Variants in TRIO observed in about 807,000 individuals in gnomAD.
TRIO encodes triple functional domain protein.
TRIO carries 58 observed loss-of-function variants against 351.9 expected under a neutral mutation model. The ratio of observed to expected loss-of-function variants is 0.16; its 90% CI spans 0.13 to 0.21. TRIO has a LOEUF of 0.21. Among genes scored for constraint, TRIO ranks in the 10% least tolerant of loss-of-function variants. The probability of loss-of-function intolerance (pLI) is 1.00; values close to 1 mark genes in which losing one functional copy is unlikely to be tolerated. For missense variants in TRIO, 3,201 were observed against 4,027.8 expected, an observed-to-expected ratio of 0.79 and a Z score of 5.56; for synonymous variants, 1,758 against 1,595.7, an observed-to-expected ratio of 1.10 and a Z score of -2.42.
At chr5:14,309,628 C>T (rs1738732704) in intron 8 of TRIO, among the ~76,000 whole-genome samples, 1 of 152,182 alleles carries the variant, frequency 6.6e-6, no homozygotes, top group African/African-American at 2.4e-5. Flanking sequence ...TGACTGATGC[C>T]AATGGTACAC....
At chr5:14,187,578 CTAAG>C (rs755676743) in intron 1 of TRIO, among the ~76,000 whole-genome samples, 26 of 152,286 alleles carry the variant, frequency 1.7e-4, no homozygotes, top group African/African-American at 5.8e-4. Flanking sequence ...CCTATTTAAT[CTAAG>C]TAAGTTCTAT....
intron 15 of TRIO, among the ~76,000 whole-genome samples, chr5:14,366,324 G>C (rs1291220831): frequency 6.6e-6 from 1 of 152,164 alleles, no homozygotes; most frequent in African/African-American, 2.4e-5. Flanking sequence ...CTCTGAGTGT[G>C]TGTGCAGTTG....
chr5:14,492,957 G>C, intron 49 of TRIO, 143 bp downstream of exon 49: 1 of 1,300,346 alleles, frequency 7.7e-7, no homozygotes, highest in Non-Finnish European at 1.0e-6. Context: ...CTCTGAGCAC[G>C]TGGGAAGATG....
chr5:14,345,256 C>A (rs1742315186), intron 11 of TRIO, among the ~76,000 whole-genome samples: 1 of 152,134 alleles, frequency 6.6e-6, no homozygotes, highest in African/African-American at 2.4e-5. Flanking sequence ...TGCTGATATA[C>A]CTGACACATC....
At chr5:14,334,453 T>A (rs1016196580) in intron 10 of TRIO, among the ~76,000 whole-genome samples, 1 of 152,210 alleles carries the variant, frequency 6.6e-6, no homozygotes, top group South Asian at 2.1e-4. Context: ...TGGGACATTT[T>A]AAAAAATATC....
intron 2 of TRIO, among the ~76,000 whole-genome samples, chr5:14,278,070 G>A (rs1437901842): frequency 6.6e-6 from 1 of 152,196 alleles, no homozygotes; most frequent in African/African-American, 2.4e-5. Flanking sequence ...AGATTCAGGT[G>A]TCTATAAGCT....
intron 1 of TRIO, among the ~76,000 whole-genome samples, chr5:14,193,976 G>A (rs572353268): frequency 2.0e-5 from 3 of 152,062 alleles, no homozygotes; most frequent in East Asian, 1.9e-4. Flanking sequence ...TTATCTTCCC[G>A]GTAGTTTTTC....
chr5:14,367,175 G>A (rs982375593), intron 16 of TRIO, among the ~76,000 whole-genome samples, 196 bp downstream of exon 16: 1 of 152,130 alleles, frequency 6.6e-6, no homozygotes, highest in Non-Finnish European at 1.5e-5. Context: ...GCCACGGTGA[G>A]GTGAGGATCT....
At chr5:14,332,013 T>A (rs1179215083) in intron 10 of TRIO, among the ~76,000 whole-genome samples, 1 of 152,210 alleles carries the variant, frequency 6.6e-6, no homozygotes, top group Non-Finnish European at 1.5e-5. Context: ...TTAAAAGTTA[T>A]GATTAAAACA....
At chr5:14,413,458 G>T (rs1450548311) in intron 33 of TRIO, among the ~76,000 whole-genome samples, 1 of 152,244 alleles carries the variant, frequency 6.6e-6, no homozygotes, top group African/African-American at 2.4e-5. Flanking sequence ...TAGGCATTCA[G>T]CGCACAAGAA....
At chr5:14,353,488 T>C (rs1257884015) in intron 11 of TRIO, among the ~76,000 whole-genome samples, 1 of 152,060 alleles carries the variant, frequency 6.6e-6, no homozygotes, top group Non-Finnish European at 1.5e-5. Flanking sequence ...GGTCTCAAAC[T>C]CCTGACCTCA....
rs182479067 is a variant in TRIO, at chr5:14,230,440, C to A, written c.158-40385C>A. 2.1e-3 allele frequency among the ~76,000 whole-genome samples: 318 copies of A among 151,994 alleles called. 2 individuals are homozygous for A. Among genetic ancestry groups the A allele is most frequent in the Non-Finnish European group, 3.3e-3 (223 of 67,994 alleles). On this transcript the variant is annotated intron_variant, in intron 1 of 56. Transcript: ENST00000344204. ...CCCATCATTGTGACAACTGCAGATA[C>A]CCCCACAGATTTCCAAATATAAAAT...
chr5:14,497,834 G>C lies in TRIO; in HGVS notation c.8020-13G>C. 6.2e-7 allele frequency: 1 copy of C among 1,614,180 alleles called. No homozygotes were observed. Among genetic ancestry groups the C allele is most frequent in the Non-Finnish European group, 8.5e-7 (1 of 1,180,032 alleles). Reference sequence around the variant, plus strand: ...TCATTTCAGTTAATGCTTGTTTGCTGTTTCCATTTCAGCTTCTCAATCCCA... The same window carrying C: ...TCATTTCAGTTAATGCTTGTTTGCTCTTTCCATTTCAGCTTCTCAATCCCA... On this transcript the variant is annotated splice_polypyrimidine_tract_variant and intron_variant, in intron 50 of 56. Coordinates refer to ENST00000344204, the MANE Select transcript of TRIO (RefSeq NM_007118.4). The surrounding 1 kb of genome is among the most constrained non-coding windows in gnomAD (Gnocchi z 4.4).
In TRIO at chr5:14,487,824, C is replaced by T. The variant is rs2126637155; in HGVS notation, c.7196C>T (p.Ala2399Val). ...AGCAGGCGGCCCCCCGGCGCGGACGCCGAGGGGTCCGAGCGAGAAGCGGAG... is the reference window on the plus strand; with the variant it reads ...AGCAGGCGGCCCCCCGGCGCGGACGTCGAGGGGTCCGAGCGAGAAGCGGAG... Reference protein sequence around the residue: ...APSRRPPGADAEGSEREAEPI... With the variant: ...APSRRPPGADVEGSEREAEPI... Residue 2399 changes from alanine to valine, a missense_variant, in exon 48 of 57, where the codon GCC (alanine) becomes GTC (valine). Physicochemically the swap from Ala to Val is moderately conservative, Grantham distance 64. This residue lies in a region of TRIO where 1,089 missense variants were observed against 954.9 expected (regional missense o/e 1.14). Coordinates refer to ENST00000344204, the MANE Select transcript of TRIO (RefSeq NM_007118.4). 8 of 1,490,256 alleles carry T rather than the reference C, an allele frequency of 5.4e-6. No homozygotes were observed. In the South Asian group the frequency reaches 8.8e-5, roughly 16 times the overall value. 92.3% of individuals were successfully genotyped at this position (1,490,256 alleles called of 1,614,324 possible).
chr5:14,445,932 G>GAGCCCC (rs1752403291), intron 34 of TRIO, among the ~76,000 whole-genome samples: 1 of 152,224 alleles, frequency 6.6e-6, no homozygotes, highest in African/African-American at 2.4e-5. Context: ...CAGGCACTCT[G>GAGCCCC]AGCCCCAGCC....
intron 21 of TRIO, among the ~76,000 whole-genome samples, chr5:14,383,417 A>G (rs1039861002): frequency 1.3e-5 from 2 of 152,166 alleles, no homozygotes; most frequent in African/African-American, 2.4e-5. Flanking sequence ...ACACATGACT[A>G]TTTGGAATTG....
intron 1 of TRIO, among the ~76,000 whole-genome samples, chr5:14,218,724 G>A (rs1033627973): frequency 3.9e-5 from 6 of 152,250 alleles, no homozygotes; most frequent in African/African-American, 1.4e-4. Flanking sequence ...CACAGCCTGT[G>A]CAGCCAGGGC....
intron 1 of TRIO, among the ~76,000 whole-genome samples, chr5:14,189,880 G>A (rs772959177): frequency 6.6e-6 from 1 of 151,906 alleles, no homozygotes; most frequent in Non-Finnish European, 1.5e-5. Context: ...ATCCCACCAT[G>A]CCCAGCTAAT....
At chr5:14,190,691 G>A (rs960073945) in intron 1 of TRIO, among the ~76,000 whole-genome samples, 4 of 152,096 alleles carry the variant, frequency 2.6e-5, no homozygotes, top group African/African-American at 9.7e-5. Context: ...TATGACTGGG[G>A]CAGTGACTTG....
Sources: allele counts gnomAD v4.1 joint callset (sites outside exome capture counted in the v4.1 genomes callset), GRCh38; gene constraint gnomAD v4.1.1; regional missense constraint gnomAD v4.1.1; non-coding constraint Gnocchi (gnomAD v3.1); transcripts MANE v1.5; gene names NCBI Gene and HGNC (gene_info 2026-07-23, HGNC 2026-07-21).